Variants in CDH26 observed in about 807,000 individuals in gnomAD.
CDH26 encodes the protein cadherin-like protein 26.
Under a neutral mutation model 90.3 loss-of-function variants are expected in CDH26, and 83 were observed. The ratio of observed to expected loss-of-function variants is 0.92; its 90% CI spans 0.77 to 1.10. CDH26 has a LOEUF of 1.10. Among genes scored for constraint, CDH26 ranks in the 50% least tolerant of loss-of-function variants. The probability of loss-of-function intolerance (pLI) is 0.00; values close to 1 mark genes in which losing one functional copy is unlikely to be tolerated. For synonymous variants in CDH26, 397 were observed against 396.3 expected (o/e 1.00, Z -0.02); for missense variants, 1,013 against 1,037.6 (o/e 0.98, Z 0.33).
chr20:59,989,522 G>A (rs1285577098), intron 9 of CDH26, among the ~76,000 whole-genome samples: 2 of 139,452 alleles, frequency 1.4e-5, no homozygotes, highest in Admixed American at 7.3e-5. Context: ...GCGACAGAGC[G>A]AGACTCCGTC....
At chr20:59,982,789 C>T (rs1304831478) in intron 4 of CDH26, 134 bp from the exon 5 acceptor site, 1 of 1,011,458 alleles carries the variant, frequency 9.9e-7, no homozygotes, top group East Asian at 2.4e-5. Context: ...TGAGGGCAGT[C>T]TGATTCCTGC....
chr20:59,964,908 A>G (rs145562754), intron 1 of CDH26, among the ~76,000 whole-genome samples: 6 of 152,316 alleles, frequency 3.9e-5, no homozygotes, highest in South Asian at 4.1e-4. Flanking sequence ...AAACCTCAAT[A>G]TATTCCTTGT....
At chr20:59,997,410 C>G (rs538112767) in intron 13 of CDH26, among the ~76,000 whole-genome samples, 4 of 152,360 alleles carry the variant, frequency 2.6e-5, no homozygotes, top group African/African-American at 9.6e-5. Context: ...CATCTGTGAA[C>G]TGGGATGATA....
chr20:59,998,783 A>G (rs1388909450), intron 13 of CDH26, among the ~76,000 whole-genome samples: 4 of 151,858 alleles, frequency 2.6e-5, no homozygotes, highest in Non-Finnish European at 5.9e-5. Context: ...AGTTTTTTGG[A>G]CTCTAATCAA....
intron 1 of CDH26, among the ~76,000 whole-genome samples, chr20:59,962,107 G>A (rs2061083130): frequency 6.6e-6 from 1 of 152,194 alleles, no homozygotes; most frequent in Non-Finnish European, 1.5e-5. Flanking sequence ...GTGAAGCTGA[G>A]AGGGTCAGCA....
At chr20:60,022,344 A>G (rs534450160) in intron 7 of CDH26, among the ~76,000 whole-genome samples, 1 of 152,352 alleles carries the variant, frequency 6.6e-6, no homozygotes, top group East Asian at 1.9e-4. Context: ...ATTACCCAGC[A>G]GTCCAAAGAT....
intron 1 of CDH26, among the ~76,000 whole-genome samples, chr20:59,967,901 C>T (rs1051302838): frequency 8.5e-6 from 1 of 117,798 alleles, no homozygotes; most frequent in Non-Finnish European, 1.7e-5. Flanking sequence ...TCCTTCCTTC[C>T]TTCCTTCCTT....
chr20:60,012,814 C>T lies in CDH26; in HGVS notation c.*84C>T. ...GATTTTTCCCCTTTGCTCTTCTTTT[C>T]CCTCCTTAAAAGAAAAATTACCTTC... On this transcript the variant is annotated 3_prime_UTR_variant, in exon 18 of 18. Coordinates refer to ENST00000348616, the MANE Select transcript of CDH26 (RefSeq NM_177980.4). The T allele has an allele frequency of 1.5e-6, 2 of 1,340,390 alleles. No individual in the cohort carries two copies. Among genetic ancestry groups the T allele is most frequent in the South Asian group, 2.7e-5 (2 of 75,234 alleles). The allele number at this position is 1,340,390 out of a possible 1,614,324, so 83.0% of individuals were successfully genotyped here.
rs1404078231 is a variant in CDH26 at position 60,013,940 on chromosome 20, G to A, written c.*1210G>A. On this transcript the variant is annotated 3_prime_UTR_variant, in exon 18 of 18. Coordinates refer to ENST00000348616, the MANE Select transcript of CDH26 (RefSeq NM_177980.4). ...TCTGAATGGGACGCTTGAATGTGTA[G>A]AACAGCTGTACTGATCCTAGCATGA... 6.6e-6 allele frequency: 1 copy of A among 151,952 alleles called. No individual in the cohort carries two copies. The highest frequency in any genetic ancestry group is 1.5e-5 in the Non-Finnish European group (1 of 68,006). 9.4% of individuals were successfully genotyped at this position (151,952 alleles called of 1,614,324 possible).
rs1405372307 is a variant in CDH26 at position 59,958,624 on chromosome 20, A to G, written c.-103A>G. ...AAAGTGACCTGAAAACCTTTAGAGA[A>G]GAAGCTGCTGGCTGAGAAGGAGGTG... On this transcript the variant is annotated 5_prime_UTR_variant, in exon 1 of 18. Coordinates refer to ENST00000348616, the MANE Select transcript of CDH26 (RefSeq NM_177980.4). 5 of 1,077,626 alleles carry G rather than the reference A, an allele frequency of 4.6e-6. No individual in the cohort carries two copies. Among genetic ancestry groups the G allele is most frequent in the Non-Finnish European group, 7.1e-6 (5 of 706,566 alleles). The allele number at this position is 1,077,626 out of a possible 1,614,324, so 66.8% of individuals were successfully genotyped here.
chr20:60,002,480 T>C (rs941358290), intron 15 of CDH26, among the ~76,000 whole-genome samples: 8 of 152,086 alleles, frequency 5.3e-5, no homozygotes, highest in African/African-American at 1.9e-4. Flanking sequence ...CATCTTGCAC[T>C]GAGCCCTGAG....
intron 16 of CDH26, among the ~76,000 whole-genome samples, chr20:60,005,478 C>CTGTATGTATGTA (rs35310546): frequency 8.5e-4 from 125 of 147,712 alleles, no homozygotes; most frequent in African/African-American, 1.6e-3. Flanking sequence ...GTGTATATAT[C>CTGTATGTATGTA]TGTATGTATG....
At chr20:60,018,750 T>A (rs1289274005), downstream of CDH26, among the ~76,000 whole-genome samples, 1 of 135,920 alleles carries the variant, frequency 7.4e-6, no homozygotes, top group East Asian at 2.1e-4. Flanking sequence ...GTTGGGTGGT[T>A]TCCTGTAGTG....
exon 9 of CDH26, chr20:60,033,533 G>A (rs1236652711): frequency 1.5e-6 from 2 of 1,304,340 alleles, no homozygotes; most frequent in Non-Finnish European, 2.0e-6. Flanking sequence ...CTTGTTTAAG[G>A]TTATGCAGCT....
chr20:59,983,108 C>T (rs776965059), intron 5 of CDH26, 38 bp downstream of exon 5: 1 of 1,604,078 alleles, frequency 6.2e-7, no homozygotes. Flanking sequence ...TTCCTTCTGT[C>T]TCTGCTCTGT....
At chr20:60,005,844 C>T (rs753278282) in intron 16 of CDH26, among the ~76,000 whole-genome samples, 8 of 152,110 alleles carry the variant, frequency 5.3e-5, no homozygotes, top group Non-Finnish European at 1.0e-4. Flanking sequence ...CCTTTGCTCA[C>T]GTATGGCTTC....
intron 17 of CDH26, 75 bp from the exon 18 acceptor site, chr20:60,012,452 G>T: frequency 7.0e-7 from 1 of 1,419,682 alleles, no homozygotes; most frequent in South Asian, 1.3e-5. Flanking sequence ...TGTGTTCCTC[G>T]AATCAAACCT....
In CDH26 at chr20:59,970,192, G is replaced by C; in HGVS notation, c.231+6G>C. On this transcript the variant is annotated splice_donor_region_variant and intron_variant, in intron 3 of 17. Transcript: ENST00000348616. ...TTCCCAAACTCATTGGTGAGGTAAG[G>C]TGCCTACTCTTAAGGAATGACCCCA... The C allele has an allele frequency of 6.2e-7, 1 of 1,613,050 alleles. No homozygotes were observed. The highest frequency in any genetic ancestry group is 1.3e-5 in the African/African-American group (1 of 74,974).
At chr20:59,987,776 G>A in intron 8 of CDH26, 138 bp downstream of exon 8, 1 of 626,298 alleles carries the variant, frequency 1.6e-6, no homozygotes, top group Non-Finnish European at 2.5e-6. Flanking sequence ...CACGTCACCA[G>A]GCAAGGAAGG....
Sources: gnomAD v4.1 joint callset for allele counts (sites outside exome capture counted in the v4.1 genomes callset) on GRCh38, gnomAD v4.1.1 for gene constraint, MANE v1.5 for transcripts, NCBI Gene and HGNC (gene_info 2026-07-23, HGNC 2026-07-21) for gene names.